ABCC9: variants seen among roughly 807,000 people sequenced by gnomAD.
ABCC9 encodes the protein ATP-binding cassette sub-family C member 9.
A neutral mutation model predicts 188.3 loss-of-function variants in ABCC9; 95 were observed. The observed-to-expected ratio is 0.50, with a 90% CI of 0.43 to 0.60. ABCC9 has a LOEUF of 0.60. Among genes scored for constraint, ABCC9 ranks in the 20% least tolerant of loss-of-function variants. The pLI is 0.00. For missense variants in ABCC9, 1,102 were observed against 1,876.3 expected, an observed-to-expected ratio of 0.59 and a Z score of 7.62; for synonymous variants, 659 against 652.7, an observed-to-expected ratio of 1.01 and a Z score of -0.15.
chr12:21,812,222 C>T (rs917322979), intron 35 of ABCC9, 65 bp from the exon 36 acceptor site: 5 of 1,248,920 alleles, frequency 4.0e-6, no homozygotes, highest in Non-Finnish European at 5.9e-6. Flanking sequence ...TATTTGTTTA[C>T]AAATTGAAAG....
chr12:21,838,157 G>C lies in ABCC9; in HGVS notation c.3487C>G (p.Leu1163Val), dbSNP rs932123639. 6.2e-7 allele frequency: 1 copy of C among 1,613,714 alleles called. No individual in the cohort carries two copies. The highest frequency in any genetic ancestry group is 1.7e-5 in the Admixed American group (1 of 60,004). ...AGAGGGAGCTGGGTACTATCGTCAA[G>C]TTCCTGGAGGTCCCTAGTAGAGAGA... ...FRVASKDLQE[L>V]DDSTQLPLLC... Residue 1163 changes from leucine to valine, a missense_variant, in exon 30 of 40, where the codon CTT becomes GTT. Coordinates refer to ENST00000261200, the MANE Select transcript of ABCC9 (RefSeq NM_020297.4).
At chr12:21,901,391 A>G (rs1308431346) in intron 12 of ABCC9, among the ~76,000 whole-genome samples, 2 of 152,220 alleles carry the variant, frequency 1.3e-5, no homozygotes, top group Non-Finnish European at 2.9e-5. Flanking sequence ...AAGAAACTGC[A>G]TCAACTAACG....
chr12:21,883,013 A>G (rs1946696259), intron 15 of ABCC9, 140 bp from the exon 16 acceptor site: 15 of 691,248 alleles, frequency 2.2e-5, no homozygotes, highest in Non-Finnish European at 3.8e-5. Context: ...TGACTCCTTC[A>G]TAAAAAAAAA....
intron 3 of ABCC9, among the ~76,000 whole-genome samples, chr12:21,935,375 A>G (rs1949445908): frequency 6.6e-6 from 1 of 152,130 alleles, no homozygotes; most frequent in African/African-American, 2.4e-5. Flanking sequence ...CAACATAACT[A>G]TGTACCAAGA....
intron 30 of ABCC9, among the ~76,000 whole-genome samples, chr12:21,832,228 T>C (rs903421807): frequency 6.6e-6 from 1 of 152,210 alleles, no homozygotes; most frequent in Non-Finnish European, 1.5e-5. Context: ...TGTGATGCTT[T>C]CGTGGTAAAC....
At chr12:21,841,385 G>GTC (rs1310731628) in intron 29 of ABCC9, among the ~76,000 whole-genome samples, 1 of 106,536 alleles carries the variant, frequency 9.4e-6, no homozygotes, top group Admixed American at 1.4e-4. Flanking sequence ...TTGAGACAGA[G>GTC]TCTCACTCTG....
At chr12:21,921,550 C>T (rs7300572) in intron 5 of ABCC9, among the ~76,000 whole-genome samples, 98,401 of 151,858 alleles carry the variant, frequency 0.65, 32,226 homozygotes, top group East Asian at 0.8. Context: ...ACTTTTTCCT[C>T]TGCTGTGCAG....
At chr12:21,865,138 G>T (rs1021502820) in intron 18 of ABCC9, among the ~76,000 whole-genome samples, 5 of 151,772 alleles carry the variant, frequency 3.3e-5, no homozygotes, top group African/African-American at 1.2e-4. Flanking sequence ...TATAATTTAG[G>T]GTCAGTTGAA....
chr12:21,924,225 A>G (rs1948959493), intron 5 of ABCC9: 1 of 172,120 alleles, frequency 5.8e-6, no homozygotes, highest in Non-Finnish European at 1.2e-5. Flanking sequence ...TTGTCTCACA[A>G]AAAGATACGC....
intron 5 of ABCC9, 49 bp from the exon 6 acceptor site, chr12:21,917,152 T>C: frequency 6.4e-7 from 1 of 1,568,088 alleles, no homozygotes; most frequent in Non-Finnish European, 8.8e-7. Context: ...TTCTTAAACA[T>C]CACTAGCATT....
chr12:21,857,212 T>C (rs1592083189), intron 22 of ABCC9, among the ~76,000 whole-genome samples: 1 of 152,292 alleles, frequency 6.6e-6, no homozygotes, highest in East Asian at 1.9e-4. Context: ...ACAGAGTTTT[T>C]CAAAGGGACA....
chr12:21,839,776 A>G (rs781621722), intron 29 of ABCC9, among the ~76,000 whole-genome samples: 72 of 152,314 alleles, frequency 4.7e-4, no homozygotes, highest in Middle Eastern at 3.4e-3. Flanking sequence ...AACTTATGCC[A>G]TTCCTGGCTG....
chr12:21,907,636 A>T (rs1414278707), intron 11 of ABCC9, among the ~76,000 whole-genome samples: 1 of 152,044 alleles, frequency 6.6e-6, no homozygotes, highest in Non-Finnish European at 1.5e-5. Flanking sequence ...AAACATGTCA[A>T]TGTGACTCCA....
intron 22 of ABCC9, among the ~76,000 whole-genome samples, chr12:21,853,420 G>A (rs910504157): frequency 5.3e-5 from 8 of 152,036 alleles, no homozygotes; most frequent in Admixed American, 6.6e-5. Flanking sequence ...TATACATGAA[G>A]TGCTTAGTAT....
chr12:21,848,130 A>G lies in ABCC9; in HGVS notation c.2866+20T>C, dbSNP rs766343677. ...CTGTTATCCCATTAGAATGTTCCAG[A>G]TAAAAGAAAAAAGATCTACCTTCGT... On this transcript the variant is annotated intron_variant, in intron 25 of 39. Coordinates refer to ENST00000261200, the MANE Select transcript of ABCC9 (RefSeq NM_020297.4). The G allele has an allele frequency of 1.9e-6, 3 of 1,607,318 alleles. No individual in the cohort carries two copies. The highest frequency in any genetic ancestry group is 1.7e-6 in the Non-Finnish European group (2 of 1,174,130).
chr12:21,902,210 C>T (rs1304183583), intron 12 of ABCC9, among the ~76,000 whole-genome samples: 2 of 152,054 alleles, frequency 1.3e-5, no homozygotes, highest in African/African-American at 2.4e-5. Context: ...GGGTACATAA[C>T]GAAATGAAGG....
In ABCC9 at chr12:21,926,329, T is replaced by C. The variant is rs870135; in HGVS notation, c.285-266A>G. ...AAAGAAACAAATGTATAGCTACTCC[T>C]ATACTGTAGGGCAGAGCTGCTGAAA... is the stretch of plus-strand genomic sequence containing the variant. On this transcript the variant is annotated intron_variant, in intron 4 of 39. Transcript: ENST00000261200. 0.35 allele frequency among the ~76,000 whole-genome samples: 53,170 copies of C among 152,064 alleles called. 9,648 individuals are homozygous for C. Among genetic ancestry groups the C allele is most frequent in the Admixed American group, 0.39 (6,032 of 15,282 alleles).
At chr12:21,940,292 G>C (rs938159743) in intron 2 of ABCC9, among the ~76,000 whole-genome samples, 3 of 152,216 alleles carry the variant, frequency 2.0e-5, no homozygotes, top group African/African-American at 4.8e-5. Context: ...TAATCGTTTA[G>C]AGATTAACCA....
At chr12:21,909,687 G>C (rs2137864486) in intron 10 of ABCC9, among the ~76,000 whole-genome samples, 1 of 152,024 alleles carries the variant, frequency 6.6e-6, no homozygotes, top group Non-Finnish European at 1.5e-5. Flanking sequence ...GTTTAGAAAT[G>C]CTGTAAGAGA....
Sources: allele counts gnomAD v4.1 joint callset (sites outside exome capture counted in the v4.1 genomes callset), GRCh38; gene constraint gnomAD v4.1.1; transcripts MANE v1.5; gene names NCBI Gene and HGNC (gene_info 2026-07-23, HGNC 2026-07-21).